CELA2A: variants seen among roughly 807,000 people sequenced by gnomAD.
The protein encoded by CELA2A is chymotrypsin-like elastase family member 2A.
Under a neutral mutation model 35.3 loss-of-function variants are expected in CELA2A, and 31 were observed. The observed-to-expected ratio is 0.88, with a 90% CI of 0.66 to 1.19. The LOEUF (loss-of-function observed/expected upper bound fraction) is 1.19. Among genes scored for constraint, CELA2A ranks in the 50% most tolerant of loss-of-function variants. The pLI is 0.00. For synonymous variants in CELA2A, 150 were observed against 149.8 expected (o/e 1.00, Z -0.01); for missense variants, 330 against 352.9 (o/e 0.94, Z 0.52).
At chr1:15,462,437 C>T (rs1708448046) in intron 3 of CELA2A, among the ~76,000 whole-genome samples, 1 of 152,282 alleles carries the variant, frequency 6.6e-6, no homozygotes, top group South Asian at 2.1e-4. Context: ...GCAAATGACT[C>T]CTGTTTTCTC....
Position 15,462,705 on chromosome 1 carries a change from C to A in CELA2A, c.228-28C>A, listed in dbSNP as rs138061779. 1.8e-4 allele frequency: 285 copies of A among 1,612,988 alleles called. No homozygotes were observed. The African/African-American group carries it at 3.0e-3, about 17-fold the overall frequency. ...TCCAAAGCCAGGCCTCTGGAGGTGA[C>A]CCTCTCCCTGGGCCCCCTTTCTCCC... is the stretch of plus-strand genomic sequence containing the variant. On this transcript the variant is annotated intron_variant, in intron 3 of 7. Coordinates refer to ENST00000359621, the MANE Select transcript of CELA2A (RefSeq NM_033440.3).
At chr1:15,459,391 T>C (rs1039247150) in intron 2 of CELA2A, among the ~76,000 whole-genome samples, 2 of 151,878 alleles carry the variant, frequency 1.3e-5, no homozygotes, top group African/African-American at 4.8e-5. Flanking sequence ...CTTGAACTTC[T>C]GGGCTCAAGT....
Position 15,456,912 on chromosome 1 carries a change from T to C in CELA2A, c.40+119T>C, listed in dbSNP as rs1708368306. 5 of 1,382,764 alleles carry C rather than the reference T, an allele frequency of 3.6e-6. No individual in the cohort carries two copies. In the South Asian group the frequency reaches 6.2e-5, roughly 17 times the overall value. The allele number at this position is 1,382,764 out of a possible 1,614,324, so 85.7% of individuals were successfully genotyped here. A position where few individuals can be genotyped will look rare whatever the true frequency, so the allele number is the denominator to read the frequency against. ...CCTACTGCATTCAGACCTATAATCA[T>C]AAGAACATTGGAATGGAGTTTCAAA... On this transcript the variant is annotated intron_variant, in intron 1 of 7. Transcript: ENST00000359621.
chr1:15,459,064 C>T (rs1007776509), intron 2 of CELA2A, among the ~76,000 whole-genome samples: 1 of 151,070 alleles, frequency 6.6e-6, no homozygotes, highest in Admixed American at 6.6e-5. Flanking sequence ...AATCATAGCT[C>T]ACTGCAGCCT....
chr1:15,470,356 G>A (rs1373393315), intron 7 of CELA2A, among the ~76,000 whole-genome samples: 5 of 152,152 alleles, frequency 3.3e-5, no homozygotes, highest in Non-Finnish European at 5.9e-5. Context: ...AAAGAGCAGA[G>A]AAGCAGAGGA....
chr1:15,466,264 G>A, intron 6 of CELA2A, 120 bp downstream of exon 6: 2 of 1,245,006 alleles, frequency 1.6e-6, no homozygotes, highest in South Asian at 2.8e-5. Flanking sequence ...CCCGAAACAT[G>A]TTCCAGATAT....
intron 5 of CELA2A, 39 bp downstream of exon 5, chr1:15,463,561 G>A (rs1708470230): frequency 1.9e-6 from 3 of 1,612,672 alleles, no homozygotes; most frequent in Non-Finnish European, 2.5e-6. Flanking sequence ...TGGGAGGGAA[G>A]GGAGGTGATT....
chr1:15,463,616 G>C, intron 5 of CELA2A, 94 bp downstream of exon 5: 1 of 1,583,222 alleles, frequency 6.3e-7, no homozygotes, highest in South Asian at 1.2e-5. Flanking sequence ...GTCATCCCAG[G>C]GTGTGTGGCT....
At chr1:15,466,716 T>C (rs533242522) in intron 6 of CELA2A, among the ~76,000 whole-genome samples, 40 of 152,278 alleles carry the variant, frequency 2.6e-4, no homozygotes, top group South Asian at 1.7e-3. Flanking sequence ...CTTTCCTCTA[T>C]GCTGGAAGGG....
intron 4 of CELA2A, 114 bp downstream of exon 4, chr1:15,462,975 G>A (rs571952876): frequency 7.5e-6 from 11 of 1,464,860 alleles, no homozygotes; most frequent in Non-Finnish European, 1.0e-5. Flanking sequence ...CTACAGGGAG[G>A]GGGAAGGAGC....
intron 2 of CELA2A, among the ~76,000 whole-genome samples, chr1:15,459,710 A>G (rs1285009379): frequency 2.6e-5 from 4 of 152,162 alleles, no homozygotes; most frequent in Admixed American, 6.5e-5. Context: ...AAGAGTCCCT[A>G]TGCTTTGTGC....
intron 7 of CELA2A, among the ~76,000 whole-genome samples, chr1:15,469,817 G>A (rs1009303248): frequency 1.4e-4 from 21 of 152,328 alleles, no homozygotes; most frequent in African/African-American, 4.6e-4. Context: ...TGGACGAGAG[G>A]CTGCTTAGGG....
chr1:15,469,236 C>T (rs1557519779), intron 7 of CELA2A, among the ~76,000 whole-genome samples: 1 of 152,128 alleles, frequency 6.6e-6, no homozygotes, highest in Non-Finnish European at 1.5e-5. Flanking sequence ...AGAGGAGCCA[C>T]CATGCCTCGT....
At chr1:15,465,214 T>C (rs988925318) in intron 5 of CELA2A, among the ~76,000 whole-genome samples, 9 of 152,020 alleles carry the variant, frequency 5.9e-5, no homozygotes, top group African/African-American at 1.9e-4. Context: ...TTTCACCATG[T>C]TGGCCAGGCT....
In CELA2A at chr1:15,463,289, G is replaced by T. The variant is rs1204265138; in HGVS notation, c.357-97G>T. Reference sequence around the variant, plus strand: ...CCAGTCAGAGCAACCTGGGGTAACAGGGTACAGGGAAGATGACAAGGTCTC... The same window carrying T: ...CCAGTCAGAGCAACCTGGGGTAACATGGTACAGGGAAGATGACAAGGTCTC... On this transcript the variant is annotated intron_variant, in intron 4 of 7. Coordinates refer to ENST00000359621, the MANE Select transcript of CELA2A (RefSeq NM_033440.3). The T allele has an allele frequency of 8.3e-6, 13 of 1,567,694 alleles. 1 individual carries two copies. In the South Asian group the frequency reaches 1.5e-4, roughly 18 times the overall value.
chr1:15,458,409 T>C (rs1557515381), intron 2 of CELA2A, among the ~76,000 whole-genome samples: 1 of 152,218 alleles, frequency 6.6e-6, no homozygotes, highest in African/African-American at 2.4e-5. Context: ...TCATATTTCA[T>C]TGGTTACATG....
chr1:15,470,979 A>G (rs749180204), intron 7 of CELA2A, among the ~76,000 whole-genome samples: 2 of 152,228 alleles, frequency 1.3e-5, no homozygotes, highest in Non-Finnish European at 2.9e-5. Flanking sequence ...GCAAAAACTA[A>G]GATCTGAGTC....
Position 15,461,558 on chromosome 1 carries a change from C to G in CELA2A, c.130-3C>G, listed in dbSNP as rs747798258. The G allele has an allele frequency of 6.2e-7, 1 of 1,612,104 alleles. No individual in the cohort carries two copies. Among genetic ancestry groups the G allele is most frequent in the Admixed American group, 1.7e-5 (1 of 60,024 alleles). Reference sequence around the variant, plus strand: ...GCCACAGAGCTCCTTTGCTTCTCCCCAGGTCTCCCTGCAGTACAGCTCCAA... The same window carrying G: ...GCCACAGAGCTCCTTTGCTTCTCCCGAGGTCTCCCTGCAGTACAGCTCCAA... On this transcript the variant is annotated splice_region_variant and splice_polypyrimidine_tract_variant and intron_variant, in intron 2 of 7. Transcript: ENST00000359621.
chr1:15,460,454 C>T (rs1038345562), intron 2 of CELA2A, among the ~76,000 whole-genome samples: 1 of 152,080 alleles, frequency 6.6e-6, no homozygotes, highest in Non-Finnish European at 1.5e-5. Flanking sequence ...CAGGCATCTG[C>T]CAACAAACAG....
Sources: allele counts gnomAD v4.1 joint callset (sites outside exome capture counted in the v4.1 genomes callset), GRCh38; gene constraint gnomAD v4.1.1; transcripts MANE v1.5; gene names NCBI Gene and HGNC (gene_info 2026-07-23, HGNC 2026-07-21).